The following EPM2A variants were observed in gnomAD, a reference collection of about 807,000 sequenced individuals.
The protein encoded by EPM2A is EPM2A glucan phosphatase, laforin, also known as laforin.
EPM2A carries 21 observed loss-of-function variants against 26.5 expected under a neutral mutation model. The observed-to-expected ratio is 0.79, with a 90% confidence interval of 0.56 to 1.14. The LOEUF (loss-of-function observed/expected upper bound fraction) is 1.14. EPM2A is among the 50% of genes most tolerant of loss of function. EPM2A has a pLI of 0.00. For missense variants in EPM2A, 458 were observed against 440.8 expected (o/e 1.04, Z -0.35); for synonymous variants, 217 against 177.6 (o/e 1.22, Z -1.76).
chr6:145,469,241 C>T (rs1396203582), intron 4 of EPM2A, among the ~76,000 whole-genome samples: 1 of 152,026 alleles, frequency 6.6e-6, no homozygotes, highest in African/African-American at 2.4e-5. Flanking sequence ...CACTCACTAT[C>T]ACAAAAATAG....
At chr6:145,452,297 C>G (rs1582766488) in intron 4 of EPM2A, among the ~76,000 whole-genome samples, 1 of 152,070 alleles carries the variant, frequency 6.6e-6, no homozygotes, top group Middle Eastern at 3.4e-3. Flanking sequence ...CTGTGTTAAC[C>G]TGAGCATCTC....
chr6:145,487,412 C>T (rs571170167), intron 4 of EPM2A, among the ~76,000 whole-genome samples: 7 of 152,234 alleles, frequency 4.6e-5, no homozygotes, highest in South Asian at 2.1e-4. Context: ...TTTGAGGAAT[C>T]GCCACACTGT....
chr6:145,464,559 G>A lies in EPM2A; in HGVS notation c.555+37963C>T, dbSNP rs78744692. 1.4e-4 allele frequency among the ~76,000 whole-genome samples: 22 copies of A among 152,154 alleles called. No individual in the cohort carries two copies. In the East Asian group the frequency reaches 4.2e-3, roughly 29 times the overall value. On this transcript the variant is annotated intron_variant, in intron 4 of 4. Coordinates refer to the EPM2A transcript ENST00000638717. ...TTTTCCTGCTTGCTAATGAAGTTAA[G>A]CATCTTTTAAAATGTTTTTCAGCTA...
chr6:145,671,270 A>G (rs1402728472), intron 2 of EPM2A: 32 of 1,049,950 alleles, frequency 3.0e-5, no homozygotes, highest in Non-Finnish European at 3.5e-5. Context: ...CTGGCCATAA[A>G]ATATGTGTAT....
intron 4 of EPM2A, among the ~76,000 whole-genome samples, chr6:145,425,676 T>C (rs1019122743): frequency 4.6e-5 from 7 of 151,848 alleles, no homozygotes; most frequent in Non-Finnish European, 1.0e-4. Context: ...AAATATTGCA[T>C]TTGTCATTTA....
intron 2 of EPM2A, among the ~76,000 whole-genome samples, chr6:145,681,039 C>G (rs1345833815): frequency 6.6e-6 from 1 of 152,130 alleles, no homozygotes; most frequent in African/African-American, 2.4e-5. Context: ...TTCTCCACAT[C>G]CTCTCCAGCA....
At chr6:145,615,558 T>A (rs1239450566) in intron 2 of EPM2A, among the ~76,000 whole-genome samples, 1 of 151,984 alleles carries the variant, frequency 6.6e-6, no homozygotes, top group East Asian at 1.9e-4. Flanking sequence ...CAACTTTGGA[T>A]CTGGGTAACA....
intron 2 of EPM2A, among the ~76,000 whole-genome samples, chr6:145,600,529 TA>T (rs1362354503): frequency 6.6e-6 from 1 of 152,204 alleles, no homozygotes; most frequent in Non-Finnish European, 1.5e-5. Flanking sequence ...GCCTGATTTG[TA>T]GGTTACTGGC....
At chr6:145,637,418 T>C (rs1776767258) in intron 2 of EPM2A, 1 of 152,132 alleles carries the variant, frequency 6.6e-6, no homozygotes, top group Non-Finnish European at 1.5e-5. Context: ...TCATAAGATC[T>C]GGCACTATCT....
intron 4 of EPM2A, among the ~76,000 whole-genome samples, chr6:145,427,600 T>C (rs1457133272): frequency 6.6e-6 from 1 of 152,186 alleles, no homozygotes; most frequent in African/African-American, 2.4e-5. Flanking sequence ...TGTTTTAAAA[T>C]CTGATTTTGC....
intron 2 of EPM2A, among the ~76,000 whole-genome samples, chr6:145,543,802 C>T (rs942922584): frequency 4.6e-5 from 7 of 152,054 alleles, no homozygotes; most frequent in Non-Finnish European, 8.8e-5. Context: ...GGGCCATTTT[C>T]CCCCTAGATT....
intron 2 of EPM2A, among the ~76,000 whole-genome samples, chr6:145,552,544 C>T (rs1780670370): frequency 6.6e-6 from 1 of 151,962 alleles, no homozygotes; most frequent in South Asian, 2.1e-4. Flanking sequence ...TGTTAATTTG[C>T]CACTAAAAGA....
At chr6:145,714,366 A>C (rs1419076042) in intron 1 of EPM2A, among the ~76,000 whole-genome samples, 1 of 152,212 alleles carries the variant, frequency 6.6e-6, no homozygotes, top group African/African-American at 2.4e-5. Flanking sequence ...CTTTAAGTGA[A>C]ATGATGTATA....
chr6:145,400,686 T>C (rs750843199), intron 4 of EPM2A, among the ~76,000 whole-genome samples: 6 of 152,216 alleles, frequency 3.9e-5, no homozygotes, highest in Non-Finnish European at 8.8e-5. Context: ...ACATGGAACA[T>C]AGGCAACATC....
intron 2 of EPM2A, chr6:145,679,936 T>G (rs748978531): frequency 1.3e-5 from 2 of 152,070 alleles, no homozygotes; most frequent in African/African-American, 2.4e-5. Context: ...CGCATTACTA[T>G]ATTGGGAAGA....
At chr6:145,572,191 G>T (rs1226497954) in intron 2 of EPM2A, among the ~76,000 whole-genome samples, 1 of 152,116 alleles carries the variant, frequency 6.6e-6, no homozygotes, top group African/African-American at 2.4e-5. Flanking sequence ...TCTAGAAAGG[G>T]GCTATAGTGC....
intron 4 of EPM2A, among the ~76,000 whole-genome samples, chr6:145,462,676 C>G (rs1177798589): frequency 6.6e-6 from 1 of 152,134 alleles, no homozygotes; most frequent in Non-Finnish European, 1.5e-5. Context: ...CCCAGTAAGT[C>G]TGTGTGTCCA....
At chr6:145,584,295 G>A (rs555570347) in intron 2 of EPM2A, among the ~76,000 whole-genome samples, 2 of 152,018 alleles carry the variant, frequency 1.3e-5, no homozygotes, top group Non-Finnish European at 2.9e-5. Flanking sequence ...TATGATGAAG[G>A]CCCCTGCAAA....
At chr6:145,388,860 C>T (rs754518969) in intron 4 of EPM2A, among the ~76,000 whole-genome samples, 15 of 152,070 alleles carry the variant, frequency 9.9e-5, no homozygotes, top group Admixed American at 4.6e-4. Context: ...TTTTTATGGT[C>T]GCATGGTATT....
Sources: allele counts gnomAD v4.1 joint callset (sites outside exome capture counted in the v4.1 genomes callset), GRCh38; gene constraint gnomAD v4.1.1; transcripts MANE v1.5; gene names NCBI Gene and HGNC (gene_info 2026-07-23, HGNC 2026-07-21).